PIGX: variants seen among roughly 807,000 people sequenced by gnomAD.
The protein encoded by PIGX is phosphatidylinositol glycan anchor biosynthesis class X, also known as GPI alpha-1,4-mannosyltransferase I, stabilizing subunit.
PIGX carries 24 observed loss-of-function variants against 28.7 expected under a neutral mutation model. The observed-to-expected ratio is 0.84, with a 90% CI of 0.60 to 1.17. The LOEUF (loss-of-function observed/expected upper bound fraction) is 1.17. PIGX is among the 50% of genes most tolerant of loss of function. The probability of loss-of-function intolerance (pLI) is 0.00; values close to 1 mark genes in which losing one functional copy is unlikely to be tolerated. For missense variants in PIGX, 305 were observed against 317.8 expected, an observed-to-expected ratio of 0.96 and a Z score of 0.31; for synonymous variants, 127 against 121.0, an observed-to-expected ratio of 1.05 and a Z score of -0.33.
intron 2 of PIGX, chr3:196,721,142 A>AT (rs1452529270): frequency 1.6e-4 from 55 of 350,456 alleles, no homozygotes; most frequent in Middle Eastern, 4.8e-4. Context: ...TTATATCTTC[A>AT]TTTTTTTTCT....
rs1052927463 is a variant in PIGX, at chr3:196,733,194, A to G, written c.634-565A>G. On this transcript the variant is annotated intron_variant, in intron 5 of 5. Transcript: ENST00000392391. This position sits in a 1 kb window ranked among gnomAD's most constrained non-coding sequence, Gnocchi z 4.3. ...TTATGTAAAAAGCAGAAAAATCAGA[A>G]CTAATGAGATTTAACAAATTATTGT... is the stretch of plus-strand genomic sequence containing the variant. Among the ~76,000 whole-genome samples the G allele has an allele frequency of 6.6e-6, 1 of 152,210 alleles. No homozygotes were observed. The highest frequency in any genetic ancestry group is 1.5e-5 in the Non-Finnish European group (1 of 68,038).
chr3:196,722,053 C>G (rs1263335919), intron 2 of PIGX, among the ~76,000 whole-genome samples: 1 of 152,212 alleles, frequency 6.6e-6, no homozygotes, highest in African/African-American at 2.4e-5. Context: ...TGCCTGCCCT[C>G]TGGCCTGTTT....
intron 3 of PIGX, among the ~76,000 whole-genome samples, chr3:196,727,044 T>C (rs1712550001): frequency 6.6e-6 from 1 of 152,172 alleles, no homozygotes. Flanking sequence ...AAAGAAAACA[T>C]AGCACTTGGT....
At chr3:196,714,488 G>A (rs983989206) in intron 1 of PIGX, among the ~76,000 whole-genome samples, 17 of 145,232 alleles carry the variant, frequency 1.2e-4, no homozygotes, top group Non-Finnish European at 1.8e-4. Flanking sequence ...TTTTTGAGAC[G>A]GAGTCTTGCT....
Sources: allele counts gnomAD v4.1 joint callset (sites outside exome capture counted in the v4.1 genomes callset), GRCh38; gene constraint gnomAD v4.1.1; non-coding constraint Gnocchi (gnomAD v3.1); transcripts MANE v1.5; gene names NCBI Gene and HGNC (gene_info 2026-07-23, HGNC 2026-07-21).